The following EYS variants were observed in gnomAD, a reference collection of about 807,000 sequenced individuals.
EYS encodes the protein protein eyes shut homolog.
A neutral mutation model predicts 282.1 loss-of-function variants in EYS; 250 were observed. The observed-to-expected ratio is 0.89, with a 90% CI of 0.80 to 0.98. The LOEUF (loss-of-function observed/expected upper bound fraction) is 0.98, where lower values mean the gene tolerates loss of function less well. Among genes scored for constraint, EYS ranks in the 50% least tolerant of loss-of-function variants. The pLI is 0.00. For synonymous variants in EYS, 1,355 were observed against 1,282.9 expected (o/e 1.06, Z -1.20); for missense variants, 4,016 against 3,709.0 (o/e 1.08, Z -2.15).
chr6:63,824,980 T>C (rs1771420289), intron 36 of EYS, among the ~76,000 whole-genome samples: 1 of 152,160 alleles, frequency 6.6e-6, no homozygotes, highest in African/African-American at 2.4e-5. Context: ...CCCTTTTCTT[T>C]TGCAGCTGGG....
At chr6:65,033,628 A>AAT (rs1049595467) in intron 13 of EYS, among the ~76,000 whole-genome samples, 4 of 152,174 alleles carry the variant, frequency 2.6e-5, no homozygotes, top group African/African-American at 9.7e-5. Context: ...AGGGGCACAG[A>AAT]ATACAAGAGT....
intron 30 of EYS, among the ~76,000 whole-genome samples, chr6:64,297,569 G>C (rs760878022): frequency 3.3e-5 from 5 of 152,050 alleles, no homozygotes; most frequent in Non-Finnish European, 7.4e-5. Context: ...TAAAATTATA[G>C]ATTTCTCATC....
chr6:63,833,018 C>G (rs529014694), intron 36 of EYS, among the ~76,000 whole-genome samples: 4 of 152,084 alleles, frequency 2.6e-5, no homozygotes, highest in African/African-American at 4.8e-5. Flanking sequence ...ATTCAGCAGG[C>G]CTTCATGCTA....
intron 8 of EYS, among the ~76,000 whole-genome samples, chr6:65,381,002 A>G (rs555774345): frequency 4.7e-4 from 72 of 152,196 alleles, no homozygotes; most frequent in African/African-American, 1.7e-3. Flanking sequence ...ATAGGAATGC[A>G]TTTACACTTT....
intron 2 of EYS, among the ~76,000 whole-genome samples, chr6:65,606,182 C>T (rs1035960683): frequency 2.6e-5 from 4 of 151,352 alleles, no homozygotes; most frequent in Non-Finnish European, 4.4e-5. Flanking sequence ...TCCTTACCTT[C>T]CACATATTTA....
intron 33 of EYS, among the ~76,000 whole-genome samples, chr6:64,063,871 A>C (rs754406946): frequency 6.6e-6 from 1 of 152,070 alleles, no homozygotes. Context: ...CTGGGATTAC[A>C]GGCACGTGCC....
intron 4 of EYS, among the ~76,000 whole-genome samples, chr6:65,493,811 C>G (rs60799281): frequency 0.047 from 7,113 of 152,178 alleles, 461 homozygotes; most frequent in African/African-American, 0.14. Context: ...CCATCCTTGT[C>G]ACTATCAGTT....
intron 13 of EYS, among the ~76,000 whole-genome samples, chr6:65,054,896 T>C (rs1363690388): frequency 6.6e-6 from 1 of 152,078 alleles, no homozygotes; most frequent in Non-Finnish European, 1.5e-5. Flanking sequence ...ACCTAACATT[T>C]CTATTCATGC....
intron 2 of EYS, among the ~76,000 whole-genome samples, chr6:65,585,593 T>C (rs1765017204): frequency 6.6e-6 from 1 of 151,900 alleles, no homozygotes; most frequent in Non-Finnish European, 1.5e-5. Flanking sequence ...TCAATAACAG[T>C]TTTTAGTGTA....
chr6:65,438,686 C>T (rs1768183424), intron 5 of EYS, among the ~76,000 whole-genome samples: 1 of 152,214 alleles, frequency 6.6e-6, no homozygotes, highest in Middle Eastern at 3.4e-3. Flanking sequence ...ATATCCTTTG[C>T]CCACTTTTTG....
At chr6:65,637,580 C>A in intron 2 of EYS, among the ~76,000 whole-genome samples, 1 of 152,230 alleles carries the variant, frequency 6.6e-6, no homozygotes, top group African/African-American at 2.4e-5. Flanking sequence ...TCACTGCACT[C>A]TTGGGGGCCC....
At chr6:63,901,487 C>T (rs1773657900) in intron 35 of EYS, among the ~76,000 whole-genome samples, 3 of 152,112 alleles carry the variant, frequency 2.0e-5, no homozygotes, top group South Asian at 2.1e-4. Flanking sequence ...CTTTTCAAAT[C>T]GTATGAAGAA....
At chr6:65,370,090 T>C (rs1765079578) in intron 8 of EYS, among the ~76,000 whole-genome samples, 2 of 151,610 alleles carry the variant, frequency 1.3e-5, no homozygotes, top group Non-Finnish European at 2.9e-5. Flanking sequence ...ATTCAGGCTT[T>C]AGTAGATCAG....
chr6:64,276,969 G>T (rs560628578), intron 30 of EYS, among the ~76,000 whole-genome samples: 6 of 152,186 alleles, frequency 3.9e-5, no homozygotes, highest in African/African-American at 1.4e-4. Flanking sequence ...GAAAATATAT[G>T]ACAGCTAATT....
intron 1 of EYS, among the ~76,000 whole-genome samples, chr6:65,684,633 G>C (rs1005070097): frequency 6.6e-6 from 1 of 152,038 alleles, no homozygotes; most frequent in African/African-American, 2.4e-5. Flanking sequence ...GCAGCAGTCT[G>C]TTTTGAGATA....
chr6:65,390,366 GA>G (rs1170499604), intron 7 of EYS, among the ~76,000 whole-genome samples: 1 of 151,386 alleles, frequency 6.6e-6, no homozygotes, highest in Non-Finnish European at 1.5e-5. Context: ...GGGAGAGGGG[GA>G]GGGGGAGAGA....
intron 5 of EYS, among the ~76,000 whole-genome samples, chr6:65,437,094 CTTAATTTATTATGTTTCTCTTTT>C (rs1208717395): frequency 6.6e-6 from 1 of 152,060 alleles, no homozygotes; most frequent in Non-Finnish European, 1.5e-5. Context: ...AAAAGGAAAA[CTTAATTTATTATGTTTCTCTTTT>C]TCTTTATACT....
chr6:64,298,954 T>C (rs1769133364), intron 30 of EYS, among the ~76,000 whole-genome samples: 1 of 152,194 alleles, frequency 6.6e-6, no homozygotes, highest in Admixed American at 6.5e-5. Flanking sequence ...CATTATATGT[T>C]AATAAAAGAC....
At chr6:64,588,654 T>C (rs1378396919) in intron 26 of EYS, among the ~76,000 whole-genome samples, 1 of 152,022 alleles carries the variant, frequency 6.6e-6, no homozygotes, top group Non-Finnish European at 1.5e-5. Context: ...TTGAGAACTG[T>C]AAGGTCCTTA....
Sources: allele counts gnomAD v4.1 joint callset (sites outside exome capture counted in the v4.1 genomes callset), GRCh38; gene constraint gnomAD v4.1.1; transcripts MANE v1.5; gene names NCBI Gene and HGNC (gene_info 2026-07-23, HGNC 2026-07-21).